CAMK1D: variants seen among roughly 807,000 people sequenced by gnomAD.
CAMK1D encodes the protein calcium/calmodulin-dependent protein kinase type 1D.
Under a neutral mutation model 47.7 loss-of-function variants are expected in CAMK1D, and 9 were observed. That is an observed-to-expected ratio of 0.19 (90% CI 0.11 to 0.33). CAMK1D has a LOEUF of 0.33. CAMK1D is among the 10% of genes least tolerant of loss of function. The pLI is 1.00. For synonymous variants in CAMK1D, 184 were observed against 184.9 expected (o/e 0.99, Z 0.04); for missense variants, 291 against 488.7 (o/e 0.60, Z 3.81).
intron 6 of CAMK1D, among the ~76,000 whole-genome samples, chr10:12,804,796 A>G (rs544357106): frequency 6.7e-6 from 1 of 148,974 alleles, no homozygotes; most frequent in African/African-American, 2.5e-5. Flanking sequence ...AAATTAGCCC[A>G]GTATGGTGGT....
At chr10:12,689,193 A>C (rs2130653503) in intron 3 of CAMK1D, among the ~76,000 whole-genome samples, 1 of 152,310 alleles carries the variant, frequency 6.6e-6, no homozygotes, top group South Asian at 2.1e-4. Context: ...AGGTTTCCCT[A>C]AGCAACCAGC....
At chr10:12,568,378 C>T (rs141339006) in intron 2 of CAMK1D, among the ~76,000 whole-genome samples, 719 of 13,848 alleles carry the variant, frequency 0.052, 70 homozygotes, top group African/African-American at 0.17. Context: ...CCTCTCCCCT[C>T]CTCTCCTTCT....
intron 1 of CAMK1D, among the ~76,000 whole-genome samples, chr10:12,534,954 G>A (rs1835922613): frequency 6.6e-6 from 1 of 152,210 alleles, no homozygotes; most frequent in Admixed American, 6.5e-5. Flanking sequence ...TGTGGCCACA[G>A]ATAACTGCAA....
chr10:12,547,682 T>TCTCACACACACACACA (rs10643491), intron 1 of CAMK1D, among the ~76,000 whole-genome samples: 36 of 116,572 alleles, frequency 3.1e-4, no homozygotes, highest in Non-Finnish European at 4.5e-4. Flanking sequence ...TTTCTCTCTC[T>TCTCACACACACACACA]CACACACACA....
intron 1 of CAMK1D, among the ~76,000 whole-genome samples, chr10:12,496,772 GC>G (rs1487211347): frequency 2.6e-5 from 4 of 152,172 alleles, no homozygotes; most frequent in Admixed American, 2.0e-4. Context: ...TGCAGGATGT[GC>G]AGGTTTGTTA....
chr10:12,647,145 CTTT>C (rs397693477), intron 2 of CAMK1D, among the ~76,000 whole-genome samples: 4 of 76,778 alleles, frequency 5.2e-5, no homozygotes, highest in African/African-American at 9.0e-5. Context: ...CCAGGCTAGC[CTTT>C]TTTTTTTTTT....
chr10:12,690,744 G>A (rs10737062), intron 3 of CAMK1D, among the ~76,000 whole-genome samples: 125,120 of 152,088 alleles, frequency 0.82, 52,921 homozygotes, highest in Non-Finnish European at 0.92. Context: ...GCAGGACTGC[G>A]TGGTGCGGGG....
chr10:12,786,681 C>A (rs1263348490), intron 5 of CAMK1D, among the ~76,000 whole-genome samples: 1 of 152,220 alleles, frequency 6.6e-6, no homozygotes, highest in African/African-American at 2.4e-5. Flanking sequence ...TCTTAGCCTT[C>A]CAAAATGCTG....
rs142160541 is a variant in CAMK1D, at chr10:12,701,267, T to C, written c.299+34457T>C. Among the ~76,000 whole-genome samples, 442 of 152,294 alleles carry C rather than the reference T, an allele frequency of 2.9e-3. 1 individual carries two copies. Among genetic ancestry groups the C allele is most frequent in the Admixed American group, 6.9e-3 (106 of 15,292 alleles). On this transcript the variant is annotated intron_variant, in intron 3 of 10. Coordinates refer to ENST00000619168, the MANE Select transcript of CAMK1D (RefSeq NM_153498.4). ...AGCTGGGATCTCATACATTATTCTT[T>C]AGTGTCCAAAGGGTTTTTACTTCCA...
intron 1 of CAMK1D, among the ~76,000 whole-genome samples, chr10:12,373,226 T>G (rs765302102): frequency 1.3e-5 from 2 of 150,966 alleles, no homozygotes; most frequent in African/African-American, 4.9e-5. Flanking sequence ...GGTGGGAGGA[T>G]CACCTGAGCC....
At chr10:12,513,865 G>A (rs954250829) in intron 1 of CAMK1D, among the ~76,000 whole-genome samples, 1 of 152,164 alleles carries the variant, frequency 6.6e-6, no homozygotes, top group African/African-American at 2.4e-5. Context: ...ATTATCCAGT[G>A]TTTAGAGTGA....
At chr10:12,712,661 A>T (rs1290823426) in intron 3 of CAMK1D, among the ~76,000 whole-genome samples, 1 of 152,140 alleles carries the variant, frequency 6.6e-6, no homozygotes, top group Non-Finnish European at 1.5e-5. Flanking sequence ...GACATCATCT[A>T]ACCTGATCGT....
chr10:12,745,112 G>C (rs916229580), intron 3 of CAMK1D, among the ~76,000 whole-genome samples: 1 of 152,224 alleles, frequency 6.6e-6, no homozygotes, highest in African/African-American at 2.4e-5. Context: ...CTCACTGCAA[G>C]CTCTGCCTTC....
rs1441307171 is a variant in CAMK1D, at chr10:12,694,305, A to T, written c.299+27495A>T. Among the ~76,000 whole-genome samples, 167 of 64,122 alleles carry T rather than the reference A, an allele frequency of 2.6e-3. 8 individuals carry two copies. The highest frequency in any genetic ancestry group is 5.3e-3 in the South Asian group (9 of 1,686). The allele number at this position is 64,122 out of a possible 152,430, so 42.1% of individuals were successfully genotyped here. On this transcript the variant is annotated intron_variant, in intron 3 of 10. Coordinates refer to ENST00000619168, the MANE Select transcript of CAMK1D (RefSeq NM_153498.4). ...TAATATAAAATATATATTATATATAAAATATATAAAATATAATATATAAAG... is the reference window on the plus strand; with the variant it reads ...TAATATAAAATATATATTATATATATAATATATAAAATATAATATATAAAG...
At chr10:12,387,354 TTA>T (rs1238390302) in intron 1 of CAMK1D, among the ~76,000 whole-genome samples, 1 of 111,396 alleles carries the variant, frequency 9.0e-6, no homozygotes, top group African/African-American at 3.1e-5. Flanking sequence ...ATATTATATT[TTA>T]TATATATAAT....
chr10:12,551,378 A>G (rs185955203), intron 1 of CAMK1D, among the ~76,000 whole-genome samples: 1 of 152,342 alleles, frequency 6.6e-6, no homozygotes, highest in African/African-American at 2.4e-5. Context: ...TAGTTGCAGG[A>G]AAACAAGCTC....
intron 4 of CAMK1D, among the ~76,000 whole-genome samples, chr10:12,763,151 C>G (rs993462151): frequency 5.3e-5 from 8 of 152,094 alleles, no homozygotes; most frequent in African/African-American, 1.9e-4. Flanking sequence ...CCTGTCGTTA[C>G]GTAAAGAACA....
At chr10:12,583,169 A>G (rs1007871516) in intron 2 of CAMK1D, among the ~76,000 whole-genome samples, 10 of 152,178 alleles carry the variant, frequency 6.6e-5, no homozygotes, top group South Asian at 2.1e-4. Context: ...ATGAGGAACT[A>G]TAGTGTCTTG....
intron 1 of CAMK1D, among the ~76,000 whole-genome samples, chr10:12,351,194 C>T (rs538556911): frequency 5.3e-4 from 80 of 152,248 alleles, no homozygotes; most frequent in African/African-American, 1.7e-3. Context: ...CCCGGGAAGG[C>T]GCACGCTGAG....
Sources: gnomAD v4.1 joint callset for allele counts (sites outside exome capture counted in the v4.1 genomes callset) on GRCh38, gnomAD v4.1.1 for gene constraint, MANE v1.5 for transcripts, NCBI Gene and HGNC (gene_info 2026-07-23, HGNC 2026-07-21) for gene names.